The following NTM variants were observed in gnomAD, a reference collection of about 807,000 sequenced individuals.
The protein encoded by NTM is neurotrimin, also known as IgLON family member 2.
A neutral mutation model predicts 42.1 loss-of-function variants in NTM; 13 were observed. The ratio of observed to expected loss-of-function variants is 0.31; its 90% CI spans 0.20 to 0.49. The LOEUF (loss-of-function observed/expected upper bound fraction) is 0.49, where lower values mean the gene tolerates loss of function less well. Among genes scored for constraint, NTM ranks in the 20% least tolerant of loss-of-function variants. NTM has a pLI of 0.99. For missense variants in NTM, 373 were observed against 452.8 expected, an observed-to-expected ratio of 0.82 and a Z score of 1.60; for synonymous variants, 187 against 179.2, an observed-to-expected ratio of 1.04 and a Z score of -0.35.
intron 2 of NTM, among the ~76,000 whole-genome samples, chr11:132,113,223 C>A (rs184326637): frequency 6.6e-6 from 1 of 152,186 alleles, no homozygotes; most frequent in African/African-American, 2.4e-5. Flanking sequence ...CCAGTCTCAG[C>A]GAGGCACTTC....
chr11:132,205,464 C>T lies in NTM; in HGVS notation c.401-6558C>T, dbSNP rs1296493773. On this transcript the variant is annotated intron_variant, in intron 3 of 8. Transcript: ENST00000683400. The stretch of plus-strand genomic sequence containing the variant: ...AATAATTATCTTATTTAATTATTTA[C>T]ACATTTGAATTAAAATTCAATAAGA... Among the ~76,000 whole-genome samples, 7 of 152,302 alleles carry T rather than the reference C, an allele frequency of 4.6e-5. No homozygotes were observed. In the East Asian group the frequency reaches 1.3e-3, roughly 29 times the overall value.
At chr11:132,215,172 CG>C (rs1264494465) in intron 4 of NTM, among the ~76,000 whole-genome samples, 1 of 152,204 alleles carries the variant, frequency 6.6e-6, no homozygotes, top group Non-Finnish European at 1.5e-5. Flanking sequence ...AAAGAAAGAG[CG>C]CTGTTGTCAT....
At chr11:132,025,840 T>C (rs1472847742) in intron 2 of NTM, among the ~76,000 whole-genome samples, 2 of 152,212 alleles carry the variant, frequency 1.3e-5, no homozygotes, top group South Asian at 2.1e-4. Flanking sequence ...TCAAAGGCCA[T>C]GGGAGCAATT....
intron 1 of NTM, among the ~76,000 whole-genome samples, chr11:131,731,929 C>T (rs76908671): frequency 0.026 from 3,993 of 152,230 alleles, 162 homozygotes; most frequent in African/African-American, 0.085. Flanking sequence ...TATCTGTACA[C>T]GCTATTGTGT....
At chr11:131,847,477 A>G (rs1592248497) in intron 1 of NTM, among the ~76,000 whole-genome samples, 1 of 152,078 alleles carries the variant, frequency 6.6e-6, no homozygotes, top group East Asian at 1.9e-4. Context: ...TGCTTTCGGG[A>G]CCTGTAGGCT....
At chr11:131,665,187 C>T (rs927908784) in intron 1 of NTM, among the ~76,000 whole-genome samples, 1 of 152,228 alleles carries the variant, frequency 6.6e-6, no homozygotes, top group African/African-American at 2.4e-5. Context: ...TCCCACGCCT[C>T]ATCTCTGGAG....
intron 2 of NTM, among the ~76,000 whole-genome samples, chr11:132,084,636 T>G (rs2059483547): frequency 6.6e-6 from 1 of 152,212 alleles, no homozygotes; most frequent in Non-Finnish European, 1.5e-5. Context: ...CCATAAGTTA[T>G]TTATTTTGCC....
At chr11:131,925,684 C>T (rs759560701) in intron 2 of NTM, among the ~76,000 whole-genome samples, 1 of 152,156 alleles carries the variant, frequency 6.6e-6, no homozygotes, top group Non-Finnish European at 1.5e-5. Flanking sequence ...CCACCACACC[C>T]AGCCAGAGTT....
chr11:132,228,433 C>T (rs1490686857), intron 4 of NTM, among the ~76,000 whole-genome samples: 1 of 152,174 alleles, frequency 6.6e-6, no homozygotes, highest in Non-Finnish European at 1.5e-5. Flanking sequence ...AGGTGACTTC[C>T]TGGGTATTCA....
At chr11:131,549,190 C>G (rs1592016083) in intron 1 of NTM, among the ~76,000 whole-genome samples, 1 of 152,040 alleles carries the variant, frequency 6.6e-6, no homozygotes, top group East Asian at 1.9e-4. Flanking sequence ...TCCTCAGATC[C>G]CATTCTGGAG....
chr11:131,928,048 T>C (rs1223983184), intron 2 of NTM, among the ~76,000 whole-genome samples: 1 of 152,136 alleles, frequency 6.6e-6, no homozygotes, highest in Non-Finnish European at 1.5e-5. Flanking sequence ...GTTTTTTTTT[T>C]AATCTGTGAA....
At chr11:131,789,912 C>A (rs1277699242) in intron 1 of NTM, among the ~76,000 whole-genome samples, 10 of 140,102 alleles carry the variant, frequency 7.1e-5, no homozygotes, top group African/African-American at 1.3e-4. Flanking sequence ...GCCGAGATCG[C>A]GCCACTGCAC....
chr11:132,336,407 C>G lies in NTM; in HGVS notation c.*1261C>G, dbSNP rs2095872608. On this transcript the variant is annotated 3_prime_UTR_variant, in exon 9 of 9. Transcript: ENST00000683400. ...AAAGGATAAAAAAAAAAAAAAACAA[C>G]TAATACCGGGCGCAGCATCTTTCCA... is the stretch of plus-strand genomic sequence containing the variant. 6.6e-6 allele frequency: 1 copy of G among 150,702 alleles called. No individual in the cohort carries two copies. The highest frequency in any genetic ancestry group is 6.6e-5 in the Admixed American group (1 of 15,130). 9.3% of individuals were successfully genotyped at this position (150,702 alleles called of 1,614,324 possible).
rs2135452745 is a variant in NTM, at chr11:131,370,661, C to T, written c.-146C>T. 1.5e-6 allele frequency: 1 copy of T among 655,178 alleles called. No homozygotes were observed. The highest frequency in any genetic ancestry group is 2.6e-6 in the Non-Finnish European group (1 of 382,246). The allele number at this position is 655,178 out of a possible 1,614,324, so 40.6% of individuals were successfully genotyped here. A position where few individuals can be genotyped will look rare whatever the true frequency, so the allele number is the denominator to read the frequency against. Reference sequence around the variant, plus strand: ...ACGGAGAAGTCATACTCTCTCACACCCTCGGCTTTCTTGTTGTGTCCTTCA... The same window carrying T: ...ACGGAGAAGTCATACTCTCTCACACTCTCGGCTTTCTTGTTGTGTCCTTCA... On this transcript the variant is annotated 5_prime_UTR_variant, in exon 1 of 9. Coordinates refer to ENST00000683400, the MANE Select transcript of NTM (RefSeq NM_001352005.2).
chr11:132,211,875 G>GTTACC (rs2082905889), intron 3 of NTM, 147 bp from the exon 4 acceptor site: 1 of 665,820 alleles, frequency 1.5e-6, no homozygotes, highest in African/African-American at 1.9e-5. Context: ...ACTTTTTTAT[G>GTTACC]TTTAAGGTAA....
intron 1 of NTM, among the ~76,000 whole-genome samples, chr11:131,807,128 C>T (rs2092536476): frequency 6.6e-6 from 1 of 152,122 alleles, no homozygotes; most frequent in Admixed American, 6.5e-5. Flanking sequence ...GCACAAAGGC[C>T]CTGCCTCCCC....
rs146428374 is a variant in NTM at position 132,174,501 on chromosome 11, A to C, written c.400+27987A>C. Among the ~76,000 whole-genome samples the C allele has an allele frequency of 4.1e-3, 619 of 152,306 alleles. 7 individuals are homozygous for C. The highest frequency in any genetic ancestry group is 0.01 in the South Asian group (49 of 4,826). The stretch of plus-strand genomic sequence containing the variant: ...GCTAGTGCAGTGACTTCATGGACTC[A>C]GTATGCTGGGTGAGGAGCGGACTAT... On this transcript the variant is annotated intron_variant, in intron 3 of 8. Transcript: ENST00000683400.
chr11:131,732,883 T>G (rs1421269174), intron 1 of NTM, among the ~76,000 whole-genome samples: 1 of 152,204 alleles, frequency 6.6e-6, no homozygotes, highest in African/African-American at 2.4e-5. Context: ...TTCAGTATTT[T>G]TATTGATTTT....
At chr11:131,576,343 T>G (rs2137134349) in intron 1 of NTM, among the ~76,000 whole-genome samples, 1 of 152,324 alleles carries the variant, frequency 6.6e-6, no homozygotes, top group South Asian at 2.1e-4. Flanking sequence ...TTGGTCCATC[T>G]AAATGCACAG....
Sources: gnomAD v4.1 joint callset for allele counts (sites outside exome capture counted in the v4.1 genomes callset) on GRCh38, gnomAD v4.1.1 for gene constraint, MANE v1.5 for transcripts, NCBI Gene and HGNC (gene_info 2026-07-23, HGNC 2026-07-21) for gene names.